HIBCH: variants seen among roughly 807,000 people sequenced by gnomAD.
HIBCH encodes 3-hydroxyisobutyryl-CoA hydrolase, mitochondrial.
In HIBCH, 50 loss-of-function variants were observed where a neutral mutation model predicts 58.2. The ratio of observed to expected loss-of-function variants is 0.86; its 90% confidence interval spans 0.68 to 1.09. The LOEUF (loss-of-function observed/expected upper bound fraction) is 1.09, where lower values mean the gene tolerates loss of function less well. Among genes scored for constraint, HIBCH ranks in the 50% least tolerant of loss-of-function variants. The pLI is 0.00. For synonymous variants in HIBCH, 151 were observed against 146.9 expected, an observed-to-expected ratio of 1.03 and a Z score of -0.20; for missense variants, 450 against 449.7, an observed-to-expected ratio of 1.00 and a Z score of -0.01.
At chr2:190,201,383 C>G (rs1024487543), downstream of HIBCH, 1 of 166,858 alleles carries the variant, frequency 6.0e-6, no homozygotes, top group African/African-American at 2.4e-5. Context: ...ATTAAGACTT[C>G]AGTTTCTAGA....
chr2:190,300,047 T>C (rs1170735511), intron 2 of HIBCH, among the ~76,000 whole-genome samples: 2 of 152,164 alleles, frequency 1.3e-5, no homozygotes, highest in African/African-American at 4.8e-5. Context: ...ATGTATCACG[T>C]TTTCTTTATC....
At position 190,261,311 on chromosome 2, in the gene HIBCH, C is replaced by A. The variant is rs572806287; in HGVS notation, c.439-77G>T. The A allele has an allele frequency of 1.1e-4, 114 of 1,016,914 alleles. No individual in the cohort carries two copies. The African/African-American group carries it at 1.8e-3, about 16-fold the overall frequency. 63.0% of individuals were successfully genotyped at this position (1,016,914 alleles called of 1,614,324 possible). On this transcript the variant is annotated intron_variant, in intron 6 of 13. Coordinates refer to ENST00000359678, the MANE Select transcript of HIBCH (RefSeq NM_014362.4). ...AAAAACAAGCAAATTCACACACTTACAAAATTACAAAGCAAGTAAATTATC... is the reference window on the plus strand; with the variant it reads ...AAAAACAAGCAAATTCACACACTTAAAAAATTACAAAGCAAGTAAATTATC...
In HIBCH at chr2:190,304,720, T is replaced by C. The variant is rs1353937603; in HGVS notation, c.78+6034A>G. Among the ~76,000 whole-genome samples, 1 of 152,230 alleles carries C rather than the reference T, an allele frequency of 6.6e-6. No individual in the cohort carries two copies. The highest frequency in any genetic ancestry group is 1.5e-5 in the Non-Finnish European group (1 of 68,030). ...ATTAAATGGCTTAAACAACACAAAC[T>C]TATTTTTTTTGTAAAACCAGCAGTT... On this transcript the variant is annotated intron_variant, in intron 2 of 13. Coordinates refer to ENST00000359678, the MANE Select transcript of HIBCH (RefSeq NM_014362.4). This position sits in a 1 kb window ranked among gnomAD's most constrained non-coding sequence, Gnocchi z 4.1.
At chr2:190,293,041 T>A (rs1340984258) in intron 4 of HIBCH, among the ~76,000 whole-genome samples, 1 of 152,218 alleles carries the variant, frequency 6.6e-6, no homozygotes, top group South Asian at 2.1e-4. Flanking sequence ...GTAGCTGTTA[T>A]TTCCAAACAT....
At chr2:190,275,398 A>C (rs749806638) in intron 6 of HIBCH, among the ~76,000 whole-genome samples, 5 of 152,238 alleles carry the variant, frequency 3.3e-5, no homozygotes, top group African/African-American at 1.2e-4. Flanking sequence ...AGTTCACGGA[A>C]TATGCATTAT....
intron 2 of HIBCH, among the ~76,000 whole-genome samples, chr2:190,300,020 AG>A (rs1688220024): frequency 6.6e-6 from 1 of 152,138 alleles, no homozygotes; most frequent in Non-Finnish European, 1.5e-5. Flanking sequence ...ATGGCTGTAT[AG>A]TATTCTATGG....
intron 11 of HIBCH, among the ~76,000 whole-genome samples, chr2:190,230,806 G>A (rs1333769178): frequency 6.6e-6 from 1 of 152,164 alleles, no homozygotes; most frequent in Admixed American, 6.5e-5. Context: ...CTTTTCCAGA[G>A]AACAGGGAAA....
chr2:190,296,168 C>T (rs1328171631), intron 3 of HIBCH, among the ~76,000 whole-genome samples: 2 of 152,288 alleles, frequency 1.3e-5, no homozygotes, highest in East Asian at 3.9e-4. Flanking sequence ...CGCCTGTAAT[C>T]CCAGCACTTT....
rs1030491636 is a variant in HIBCH at position 190,299,738 on chromosome 2, T to C, written c.79-2785A>G. Among the ~76,000 whole-genome samples, 7 of 152,338 alleles carry C rather than the reference T, an allele frequency of 4.6e-5. No homozygotes were observed. In the East Asian group the frequency reaches 9.6e-4, roughly 21 times the overall value. On this transcript the variant is annotated intron_variant, in intron 2 of 13. Coordinates refer to ENST00000359678, the MANE Select transcript of HIBCH (RefSeq NM_014362.4). ...CAGGTTTGTTATATAGTTAAATTCA[T>C]GTCGTGGGGGTTTGTTGTACAGACT...
At chr2:190,201,743 T>C (rs560651918), downstream of HIBCH, 1 of 167,184 alleles carries the variant, frequency 6.0e-6, no homozygotes, top group Middle Eastern at 3.4e-3. Context: ...ACTGTCCCAT[T>C]GTACTTGCAA....
intron 6 of HIBCH, among the ~76,000 whole-genome samples, chr2:190,286,928 T>C (rs1687842926): frequency 6.6e-6 from 1 of 152,036 alleles, no homozygotes; most frequent in South Asian, 2.1e-4. Flanking sequence ...AGTTTATTTT[T>C]AAGTAGAAAA....
At chr2:190,285,899 G>C (rs543000208) in intron 6 of HIBCH, among the ~76,000 whole-genome samples, 1 of 152,216 alleles carries the variant, frequency 6.6e-6, no homozygotes, top group East Asian at 1.9e-4. Flanking sequence ...CCAGGCTGGA[G>C]TGCAGTGGCA....
At chr2:190,226,033 A>G (rs1257562914) in intron 11 of HIBCH, among the ~76,000 whole-genome samples, 1 of 152,256 alleles carries the variant, frequency 6.6e-6, no homozygotes, top group Non-Finnish European at 1.5e-5. Flanking sequence ...TAGATGCAGA[A>G]AAGGGCTTCA....
At chr2:190,259,251 A>C (rs914010335) in intron 7 of HIBCH, among the ~76,000 whole-genome samples, 6 of 150,452 alleles carry the variant, frequency 4.0e-5, no homozygotes, top group African/African-American at 1.5e-4. Flanking sequence ...TGAACATGTA[A>C]TATCTTTTTA....
chr2:190,273,169 G>C (rs1415537165), intron 6 of HIBCH, among the ~76,000 whole-genome samples: 1 of 152,174 alleles, frequency 6.6e-6, no homozygotes, highest in Non-Finnish European at 1.5e-5. Context: ...GAGGCAGGTG[G>C]ATCACTTGAG....
chr2:190,286,444 TC>T (rs1687828732), intron 6 of HIBCH, among the ~76,000 whole-genome samples: 1 of 152,074 alleles, frequency 6.6e-6, no homozygotes, highest in Non-Finnish European at 1.5e-5. Context: ...CTATTGTCAA[TC>T]TGTCTTTTGT....
Position 190,197,153 on chromosome 2 carries a change from G to A in HIBCH, c.*18-7156C>T, listed in dbSNP as rs1690018054. On this transcript the variant is annotated intron_variant, in intron 1 of 1. Transcript: ENST00000399855. This position sits in a 1 kb window ranked among gnomAD's most constrained non-coding sequence, Gnocchi z 4.0. ...CCACCTCCAAATACCATCACGTTGG[G>A]GATTAGGTTTCAATATATGAATTTG... is the stretch of plus-strand genomic sequence containing the variant. 6.6e-6 allele frequency among the ~76,000 whole-genome samples: 1 copy of A among 152,028 alleles called. No homozygotes were observed. The highest frequency in any genetic ancestry group is 2.1e-4 in the South Asian group (1 of 4,810).
At chr2:190,261,327 G>C in intron 6 of HIBCH, 93 bp from the exon 7 acceptor site, 1 of 907,340 alleles carries the variant, frequency 1.1e-6, no homozygotes, top group Admixed American at 1.9e-5. Flanking sequence ...TACAAAGCAA[G>C]TAAATTATCT....
At chr2:190,227,994 A>G (rs961394089) in intron 11 of HIBCH, among the ~76,000 whole-genome samples, 47 of 152,296 alleles carry the variant, frequency 3.1e-4, no homozygotes, top group African/African-American at 9.9e-4. Flanking sequence ...ACAGTGTGGC[A>G]ATTCCTCAAG....
Sources: allele counts gnomAD v4.1 joint callset (sites outside exome capture counted in the v4.1 genomes callset), GRCh38; gene constraint gnomAD v4.1.1; non-coding constraint Gnocchi (gnomAD v3.1); transcripts MANE v1.5; gene names NCBI Gene and HGNC (gene_info 2026-07-23, HGNC 2026-07-21).